DCAF8L2: variants seen among roughly 807,000 people sequenced by gnomAD.
DCAF8L2 encodes the protein DDB1- and CUL4-associated factor 8-like protein 2.
For synonymous variants in DCAF8L2, 200 were observed against 190.9 expected (o/e 1.05, Z -0.39); for missense variants, 430 against 490.7 (o/e 0.88, Z 1.17).
At chrX:27,486,633 G>A in the DCAF8L2 span, among the ~76,000 whole-genome samples, 1 of 111,169 alleles carries the variant, frequency 9.0e-6, no homozygotes, top group East Asian at 2.8e-4. Context: ...CCCTTTTCAT[G>A]TTCTTTTTGT....
the DCAF8L2 span, among the ~76,000 whole-genome samples, chrX:27,483,381 CATTTTTGTAAAATACTGTATA>C: frequency 5.4e-5 from 6 of 111,704 alleles, no homozygotes; most frequent in African/African-American, 1.9e-4. Context: ...AAGTAGTTTA[CATTTTTGTAAAATACTGTATA>C]ATTTGTGATG....
chrX:27,526,355 T>A, the DCAF8L2 span, among the ~76,000 whole-genome samples: 1 of 112,354 alleles, frequency 8.9e-6, no homozygotes, highest in South Asian at 3.7e-4. Context: ...GTAGTTCTCG[T>A]GCCATGGTTT....
chrX:27,705,338 T>C (rs746159874), intron 3 of DCAF8L2, among the ~76,000 whole-genome samples: 2 of 111,754 alleles, frequency 1.8e-5, no homozygotes, highest in African/African-American at 3.3e-5. Context: ...TACAGGATCA[T>C]ATGGTAACTC....
intron 3 of DCAF8L2, among the ~76,000 whole-genome samples, chrX:27,704,093 ATCATC>A (rs1339815145): frequency 3.8e-5 from 4 of 104,099 alleles, no homozygotes; most frequent in African/African-American, 1.5e-4. Flanking sequence ...CAAGATACAC[ATCATC>A]AATTGATGGA....
chrX:27,558,759 CT>C, the DCAF8L2 span, among the ~76,000 whole-genome samples: 3 of 94,264 alleles, frequency 3.2e-5, no homozygotes, highest in Non-Finnish European at 4.2e-5. Flanking sequence ...TCCCTCCCCC[CT>C]CCCCCCAACC....
At chrX:27,567,746 T>C in the DCAF8L2 span, among the ~76,000 whole-genome samples, 1 of 107,688 alleles carries the variant, frequency 9.3e-6, no homozygotes, top group African/African-American at 3.4e-5. Context: ...AGAGAGGGGC[T>C]GAAGAAAGCA....
chrX:27,606,305 T>TTA (rs764736566), intron 1 of DCAF8L2, among the ~76,000 whole-genome samples: 5 of 73,679 alleles, frequency 6.8e-5, no homozygotes, highest in Admixed American at 3.4e-4. Context: ...TATATATGAA[T>TTA]TATATATATA....
intron 2 of DCAF8L2, among the ~76,000 whole-genome samples, chrX:27,648,523 T>TA (rs1569171300): frequency 2.9e-5 from 3 of 102,051 alleles, no homozygotes; most frequent in African/African-American, 1.1e-4. Flanking sequence ...TATGTATTAT[T>TA]TATATATATA....
chrX:27,539,951 CCTT>C, the DCAF8L2 span, among the ~76,000 whole-genome samples: 2 of 110,350 alleles, frequency 1.8e-5, no homozygotes, highest in East Asian at 2.9e-4. Flanking sequence ...TTGTCAGTGT[CCTT>C]CTGCTTGCAG....
the DCAF8L2 span, among the ~76,000 whole-genome samples, chrX:27,502,332 AAAAATATATAT>A: frequency 6.2e-4 from 21 of 34,047 alleles, no homozygotes; most frequent in African/African-American, 3.0e-3. Context: ...AAAAAAAAAA[AAAAATATATAT>A]ATATATATAT....
chrX:27,660,614 A>C (rs1426193515), intron 2 of DCAF8L2, among the ~76,000 whole-genome samples: 1 of 111,934 alleles, frequency 8.9e-6, no homozygotes, highest in Non-Finnish European at 1.9e-5. Context: ...TCGCATGTGC[A>C]GTCCTCAGGC....
chrX:27,709,315 AT>A (rs1346216510), intron 3 of DCAF8L2, among the ~76,000 whole-genome samples: 1 of 112,349 alleles, frequency 8.9e-6, no homozygotes, highest in Admixed American at 9.4e-5. Flanking sequence ...TTGTGTTTGT[AT>A]TTTCCGTACA....
chrX:27,659,129 C>G (rs1365993997), intron 2 of DCAF8L2, among the ~76,000 whole-genome samples: 2 of 111,683 alleles, frequency 1.8e-5, no homozygotes, highest in Non-Finnish European at 3.8e-5. Flanking sequence ...TGGCCTGCAA[C>G]AGTGCAAGAG....
chrX:27,518,521 C>T, the DCAF8L2 span: 8 of 366,304 alleles, frequency 2.2e-5, no homozygotes, highest in South Asian at 7.3e-5. Flanking sequence ...AGGCGGATCA[C>T]GAGGTCAGGA....
the DCAF8L2 span, among the ~76,000 whole-genome samples, chrX:27,576,392 A>G: frequency 4.8e-4 from 54 of 112,079 alleles, no homozygotes; most frequent in African/African-American, 1.7e-3. Flanking sequence ...ATTGGAAATA[A>G]CATTTTTTCT....
At chrX:27,528,005 T>A in the DCAF8L2 span, among the ~76,000 whole-genome samples, 1 of 67,425 alleles carries the variant, frequency 1.5e-5, no homozygotes, top group Non-Finnish European at 2.5e-5. Flanking sequence ...TTAAATTAAA[T>A]TTTTAATTTA....
chrX:27,573,254 TCA>T, the DCAF8L2 span, among the ~76,000 whole-genome samples: 33 of 99,708 alleles, frequency 3.3e-4, no homozygotes, highest in East Asian at 4.6e-3. Context: ...TCTCTCTCTC[TCA>T]CACACACACA....
chrX:27,497,546 TTCC>T, the DCAF8L2 span, among the ~76,000 whole-genome samples: 140 of 85,951 alleles, frequency 1.6e-3, 1 homozygote, highest in African/African-American at 7.3e-3. Context: ...CCTTCCTTCC[TTCC>T]TTCTTTCTTT....
intron 1 of DCAF8L2, among the ~76,000 whole-genome samples, chrX:27,628,469 T>C (rs1411099892): frequency 5.4e-5 from 6 of 111,938 alleles, no homozygotes; most frequent in Admixed American, 1.9e-4. Context: ...TGCTGGATCA[T>C]GTGATAGTTC....
Sources: gnomAD v4.1 joint callset for allele counts (sites outside exome capture counted in the v4.1 genomes callset) on GRCh38, gnomAD v4.1.1 for gene constraint, MANE v1.5 for transcripts, NCBI Gene and HGNC (gene_info 2026-07-23, HGNC 2026-07-21) for gene names.